Variants in IMPDH1 observed in about 807,000 individuals in gnomAD.
The protein encoded by IMPDH1 is inosine monophosphate dehydrogenase 1, also known as inosine-5'-monophosphate dehydrogenase 1.
In IMPDH1, 41 loss-of-function variants were observed where a neutral mutation model predicts 73.5. That is an observed-to-expected ratio of 0.56 (90% CI 0.43 to 0.72). The LOEUF (loss-of-function observed/expected upper bound fraction) is 0.72, where lower values mean the gene tolerates loss of function less well. IMPDH1 is among the 30% of genes least tolerant of loss of function. The pLI is 0.00. For synonymous variants in IMPDH1, 318 were observed against 334.3 expected (o/e 0.95, Z 0.53); for missense variants, 645 against 824.8 (o/e 0.78, Z 2.67).
intron 5 of IMPDH1, among the ~76,000 whole-genome samples, chr7:128,401,580 C>T (rs3793165): frequency 0.69 from 104,428 of 152,000 alleles, 36,052 homozygotes; most frequent in South Asian, 0.74. Context: ...GGGCAGCATG[C>T]ATGGCCGTGA....
intron 9 of IMPDH1, among the ~76,000 whole-genome samples, chr7:128,399,621 G>C (rs2116650972): frequency 6.6e-6 from 1 of 152,104 alleles, no homozygotes; most frequent in South Asian, 2.1e-4. Context: ...CAGGAGGCGA[G>C]GGTTGCAGTG....
intron 5 of IMPDH1, among the ~76,000 whole-genome samples, chr7:128,403,387 G>A (rs1359546020): frequency 6.6e-6 from 1 of 152,010 alleles, no homozygotes; most frequent in Non-Finnish European, 1.5e-5. Flanking sequence ...GTGAAACCCC[G>A]TCTCCACTAA....
chr7:128,394,833 C>A lies in IMPDH1; in HGVS notation c.1550+56G>T, dbSNP rs1395574426. The A allele has an allele frequency of 6.3e-7, 1 of 1,599,634 alleles. No individual in the cohort carries two copies. Reference sequence around the variant, plus strand: ...CATCTGGGGAAGTCGGTGGCATGAGCGGGCCCTGAAGGGTTGTGGGCTGAT... The same window carrying A: ...CATCTGGGGAAGTCGGTGGCATGAGAGGGCCCTGAAGGGTTGTGGGCTGAT... On this transcript the variant is annotated intron_variant, in intron 14 of 16. Coordinates refer to ENST00000338791, the MANE Select transcript of IMPDH1 (RefSeq NM_000883.4). This position sits in a 1 kb window ranked among gnomAD's most constrained non-coding sequence, Gnocchi z 5.5.
Position 128,395,236 on chromosome 7 carries a change from T to G in IMPDH1, c.1300A>C (p.Lys434Gln), listed in dbSNP as rs1383705203. The part of the protein sequence containing the change: ...CGRPQGTAVY[K>Q]VAEYARRFGV... ...AAGCGCCGGGCATACTCAGCCACCT[T>G]GTACACAGCAGTGCCCTGGGGCCGA... The change falls in exon 13 of 17, where the codon AAG (lysine) becomes CAG (glutamine). Residue 434 changes from lysine (K) to glutamine (Q), a missense_variant. Transcript: ENST00000338791. 1.9e-6 allele frequency: 3 copies of G among 1,613,788 alleles called. No individual in the cohort carries two copies. The highest frequency in any genetic ancestry group is 1.1e-5 in the South Asian group (1 of 91,076).
Position 128,397,025 on chromosome 7 carries a change from G to C in IMPDH1, c.1075-3C>G. ...ACCGAATTCCCTTGGGACGAGTCCT[G>C]TGAGAAAGGACGGAAGAGCTTGGGC... is the stretch of plus-strand genomic sequence containing the variant. On this transcript the variant is annotated splice_region_variant and splice_polypyrimidine_tract_variant and intron_variant, in intron 10 of 16. Coordinates refer to ENST00000338791, the MANE Select transcript of IMPDH1 (RefSeq NM_000883.4). The C allele has an allele frequency of 6.2e-7, 1 of 1,610,734 alleles. No homozygotes were observed. Among genetic ancestry groups the C allele is most frequent in the Non-Finnish European group, 8.5e-7 (1 of 1,176,872 alleles).
At chr7:128,408,056 C>A (rs1437726354) in intron 3 of IMPDH1, among the ~76,000 whole-genome samples, 1 of 152,172 alleles carries the variant, frequency 6.6e-6, no homozygotes, top group Non-Finnish European at 1.5e-5. Flanking sequence ...ACACCCTCTT[C>A]CTGATCTTCC....
chr7:128,403,310 C>CTGTAAGACGCTG (rs1798465169), intron 5 of IMPDH1, among the ~76,000 whole-genome samples: 1 of 152,200 alleles, frequency 6.6e-6, no homozygotes, highest in African/African-American at 2.4e-5. Flanking sequence ...GTAATCACAG[C>CTGTAAGACGCTG]GTCTTCGGAG....
intron 4 of IMPDH1, 54 bp downstream of exon 4, chr7:128,405,713 G>T: frequency 6.6e-7 from 1 of 1,508,570 alleles, no homozygotes; most frequent in South Asian, 1.2e-5. Context: ...GGGCCGGCCC[G>T]GGGGTCGCGG....
At chr7:128,405,622 T>C in intron 4 of IMPDH1, 145 bp downstream of exon 4, 1 of 1,245,384 alleles carries the variant, frequency 8.0e-7, no homozygotes, top group East Asian at 3.2e-5. Flanking sequence ...GCGGGCCTCC[T>C]TCCTTCCCGT....
intron 9 of IMPDH1, among the ~76,000 whole-genome samples, 165 bp downstream of exon 9, chr7:128,399,930 A>G (rs1259721351): frequency 6.6e-6 from 1 of 152,222 alleles, no homozygotes. Context: ...TCCCTAAGCT[A>G]AGAGAAGGAT....
At chr7:128,404,221 G>A (rs893924024) in intron 4 of IMPDH1, among the ~76,000 whole-genome samples, 2 of 152,172 alleles carry the variant, frequency 1.3e-5, no homozygotes, top group Non-Finnish European at 2.9e-5. Flanking sequence ...CGCATGCCCC[G>A]GTGCCTGGGC....
chr7:128,400,642 G>A lies in IMPDH1; in HGVS notation c.580-103C>T, dbSNP rs535317053. 4.4e-5 allele frequency: 58 copies of A among 1,317,162 alleles called. No homozygotes were observed. The African/African-American group carries it at 7.7e-4, about 17-fold the overall frequency. The allele number at this position is 1,317,162 out of a possible 1,614,324, so 81.6% of individuals were successfully genotyped here. A position where few individuals can be genotyped will look rare whatever the true frequency, so the allele number is the denominator to read the frequency against. On this transcript the variant is annotated intron_variant, in intron 7 of 16. Coordinates refer to ENST00000338791, the MANE Select transcript of IMPDH1 (RefSeq NM_000883.4). ...ATGCAGCTGTGCTGCAGAGAAGCCAGGACCCTCAGTGGGATGAGGAGCCAG... is the reference window on the plus strand; with the variant it reads ...ATGCAGCTGTGCTGCAGAGAAGCCAAGACCCTCAGTGGGATGAGGAGCCAG...
At position 128,395,223 on chromosome 7, in the gene IMPDH1, T is replaced by C; in HGVS notation, c.1313A>G (p.Tyr438Cys). 1.2e-6 allele frequency: 2 copies of C among 1,613,870 alleles called. No homozygotes were observed. The highest frequency in any genetic ancestry group is 1.7e-6 in the Non-Finnish European group (2 of 1,180,042). Residue 438 changes from tyrosine (Y) to cysteine (C), a missense_variant, in exon 13 of 17, where the codon TAT (tyrosine) becomes TGT (cysteine). This residue lies in a region of IMPDH1 where 459 missense variants were observed against 638.2 expected (regional missense o/e 0.72). Transcript: ENST00000338791. Reference sequence around the variant, plus strand: ...GATGGGCACACCAAAGCGCCGGGCATACTCAGCCACCTTGTACACAGCAGT... The same window carrying C: ...GATGGGCACACCAAAGCGCCGGGCACACTCAGCCACCTTGTACACAGCAGT... ...QGTAVYKVAE[Y>C]ARRFGVPIIA...
rs1219919801 is a variant in IMPDH1, at chr7:128,398,904, G to A, written c.875-291C>T. On this transcript the variant is annotated intron_variant, in intron 9 of 16. Transcript: ENST00000338791. This position sits in a 1 kb window ranked among gnomAD's most constrained non-coding sequence, Gnocchi z 4.3. ...GAGCACTGGCAGCCTTTCACCTGCT[G>A]GGCCACAGTGGCCGAAATCTCCTAG... Among the ~76,000 whole-genome samples the A allele has an allele frequency of 6.6e-6, 1 of 152,182 alleles. No individual in the cohort carries two copies. The highest frequency in any genetic ancestry group is 1.9e-4 in the East Asian group (1 of 5,182).
rs121912554 is a variant in IMPDH1, at chr7:128,400,120, A to G, written c.849T>C (p.Asn283=). Reference sequence around the variant, plus strand: ...CTTTCTTGCTACGCTGCAGGATCTCATTTGCCTCTTTCAACGTCACACCTG... The same window carrying G: ...CTTTCTTGCTACGCTGCAGGATCTCGTTTGCCTCTTTCAACGTCACACCTG... The part of the protein sequence containing the change: ...APAGVTLKEA[N]EILQRSKKGK... Residue 283 remains asparagine, a synonymous_variant, in exon 9 of 17, where the codon AAT becomes AAC. Transcript: ENST00000338791. The G allele has an allele frequency of 1.2e-6, 2 of 1,612,510 alleles. No individual in the cohort carries two copies. Among genetic ancestry groups the G allele is most frequent in the South Asian group, 2.2e-5 (2 of 91,060 alleles).
At chr7:128,407,445 C>G (rs1384755147) in intron 3 of IMPDH1, among the ~76,000 whole-genome samples, 1 of 152,184 alleles carries the variant, frequency 6.6e-6, no homozygotes, top group Non-Finnish European at 1.5e-5. Flanking sequence ...TGGGCTCATG[C>G]AGGGAGCCCG....
intron 5 of IMPDH1, among the ~76,000 whole-genome samples, chr7:128,402,996 T>C (rs1798445733): frequency 6.6e-6 from 1 of 152,218 alleles, no homozygotes; most frequent in Non-Finnish European, 1.5e-5. Context: ...CACTGGCTTC[T>C]ATCATGTCCT....
At chr7:128,397,151 G>GT (rs200212855) in intron 10 of IMPDH1, 129 bp from the exon 11 acceptor site, 57,943 of 538,416 alleles carry the variant, frequency 0.11, 19 homozygotes, top group South Asian at 0.16. Flanking sequence ...CCTTCTGGTT[G>GT]TTTTTTTTTT....
At chr7:128,400,715 C>T (rs548031838) in intron 7 of IMPDH1, 102 bp downstream of exon 7, 55 of 1,211,196 alleles carry the variant, frequency 4.5e-5, no homozygotes, top group Non-Finnish European at 5.9e-5. Flanking sequence ...AGGAAGGACA[C>T]GCAGGGAGTG....
Sources: gnomAD v4.1 joint callset for allele counts (sites outside exome capture counted in the v4.1 genomes callset) on GRCh38, gnomAD v4.1.1 for gene constraint, gnomAD v4.1.1 regional missense constraint, Gnocchi (gnomAD v3.1) non-coding constraint, MANE v1.5 for transcripts, NCBI Gene and HGNC (gene_info 2026-07-23, HGNC 2026-07-21) for gene names.